Variants in AOAH observed in about 807,000 individuals in gnomAD.
The protein encoded by AOAH is acyloxyacyl hydrolase (neutrophil).
In AOAH, 64 loss-of-function variants were observed where a neutral mutation model predicts 92.2. The observed-to-expected ratio is 0.69, with a 90% CI of 0.57 to 0.86. The LOEUF is 0.86. Among genes scored for constraint, AOAH ranks in the 40% least tolerant of loss-of-function variants. The pLI, the probability that AOAH is intolerant of heterozygous loss-of-function variation, is 0.00. For missense variants in AOAH, 656 were observed against 694.6 expected, an observed-to-expected ratio of 0.94 and a Z score of 0.62; for synonymous variants, 263 against 254.5, an observed-to-expected ratio of 1.03 and a Z score of -0.32.
chr7:36,697,809 T>A (rs1400517058), intron 1 of AOAH, among the ~76,000 whole-genome samples: 6 of 152,174 alleles, frequency 3.9e-5, no homozygotes, highest in African/African-American at 1.2e-4. Context: ...TGACCAGTGT[T>A]CTTCTAAGAA....
At chr7:36,546,148 AT>A (rs1456973028) in intron 15 of AOAH, among the ~76,000 whole-genome samples, 2 of 152,240 alleles carry the variant, frequency 1.3e-5, no homozygotes, top group African/African-American at 4.8e-5. Context: ...TTTAACCAGT[AT>A]TTGTTGAGTA....
intron 4 of AOAH, among the ~76,000 whole-genome samples, chr7:36,658,476 A>C (rs1229879271): frequency 6.6e-6 from 1 of 152,088 alleles, no homozygotes; most frequent in Non-Finnish European, 1.5e-5. Flanking sequence ...GTGCGGAGGG[A>C]ATTGTGTCAA....
intron 1 of AOAH, among the ~76,000 whole-genome samples, chr7:36,689,497 C>T (rs7802360): frequency 0.2 from 30,882 of 152,016 alleles, 3,275 homozygotes; most frequent in East Asian, 0.27. Context: ...GCTGAAGGGG[C>T]AGAAGTGCTG....
At chr7:36,584,988 A>G (rs549262541) in intron 12 of AOAH, among the ~76,000 whole-genome samples, 2 of 152,284 alleles carry the variant, frequency 1.3e-5, no homozygotes, top group African/African-American at 4.8e-5. Flanking sequence ...TCCCATACTC[A>G]GGATGCTCAG....
chr7:36,547,585 C>T (rs921256192), intron 15 of AOAH, among the ~76,000 whole-genome samples: 4 of 152,142 alleles, frequency 2.6e-5, no homozygotes, highest in African/African-American at 2.4e-5. Context: ...TCGTGAACCT[C>T]GTTTGGCCTT....
At position 36,717,190 on chromosome 7, in the gene AOAH, C is replaced by T. The variant is rs999879733; in HGVS notation, c.127+6832G>A. On this transcript the variant is annotated intron_variant, in intron 1 of 20. Coordinates refer to ENST00000617537, the MANE Select transcript of AOAH (RefSeq NM_001637.4). ...AGGTCTTCTGGTTAGTTCCCCACTG[C>T]GGGGTTACGCTTTGGGATTGGAGCT... 4.6e-5 allele frequency among the ~76,000 whole-genome samples: 7 copies of T among 152,118 alleles called. No homozygotes were observed. In the South Asian group the frequency reaches 1.2e-3, roughly 27 times the overall value.
intron 15 of AOAH, among the ~76,000 whole-genome samples, chr7:36,541,141 C>T (rs570701389): frequency 1.6e-4 from 24 of 152,326 alleles, no homozygotes; most frequent in African/African-American, 5.3e-4. Flanking sequence ...TGCTCTTTAT[C>T]CTTCCATTTC....
intron 1 of AOAH, among the ~76,000 whole-genome samples, chr7:36,695,479 C>T (rs1797657624): frequency 6.6e-6 from 1 of 152,168 alleles, no homozygotes; most frequent in Non-Finnish European, 1.5e-5. Flanking sequence ...TTAATCTTCA[C>T]AATGTTCTCA....
At chr7:36,590,122 TA>T (rs953360147) in intron 12 of AOAH, among the ~76,000 whole-genome samples, 117 of 151,442 alleles carry the variant, frequency 7.7e-4, no homozygotes, top group African/African-American at 2.4e-3. Flanking sequence ...CCAGGCTAAT[TA>T]AAAAAAAATA....
intron 3 of AOAH, among the ~76,000 whole-genome samples, chr7:36,667,281 G>GGAT (rs909500971): frequency 1.8e-4 from 27 of 152,092 alleles, no homozygotes; most frequent in African/African-American, 6.5e-4. Flanking sequence ...ATCTCACCTG[G>GGAT]GATGTGAATT....
chr7:36,620,834 G>GA lies in AOAH; in HGVS notation c.654-6dup. ...TGGACATCCCAGTTGTTCGGCCTAAGAAAAAAACATTAACATTGGTCTTTG... is the reference window on the plus strand; with the variant it reads ...TGGACATCCCAGTTGTTCGGCCTAAGAAAAAAAACATTAACATTGGTCTTTG... On this transcript the variant is annotated splice_polypyrimidine_tract_variant and splice_region_variant and intron_variant, in intron 8 of 20. Transcript: ENST00000617537. The GA allele has an allele frequency of 6.2e-7, 1 of 1,613,018 alleles. No individual in the cohort carries two copies. The highest frequency in any genetic ancestry group is 8.5e-7 in the Non-Finnish European group (1 of 1,179,498).
chr7:36,603,008 C>G (rs927016988), intron 11 of AOAH, among the ~76,000 whole-genome samples: 1 of 152,216 alleles, frequency 6.6e-6, no homozygotes, highest in African/African-American at 2.4e-5. Context: ...CTGCAGCAAC[C>G]TCTGGCCAGG....
chr7:36,594,947 T>C (rs1790001454), intron 11 of AOAH, among the ~76,000 whole-genome samples: 2 of 152,148 alleles, frequency 1.3e-5, no homozygotes, highest in South Asian at 4.1e-4. Flanking sequence ...CCCACAAAAA[T>C]GCACGTGTAT....
intron 13 of AOAH, among the ~76,000 whole-genome samples, chr7:36,550,693 A>C (rs1786168580): frequency 6.6e-6 from 1 of 152,228 alleles, no homozygotes; most frequent in Non-Finnish European, 1.5e-5. Context: ...GCTAGAAATA[A>C]GCAAGTGATT....
intron 12 of AOAH, among the ~76,000 whole-genome samples, chr7:36,583,029 G>C (rs973544783): frequency 1.3e-4 from 20 of 152,152 alleles, no homozygotes; most frequent in African/African-American, 4.8e-4. Flanking sequence ...AATTTTAGTA[G>C]AGACAGGGTT....
rs149172251 is a variant in AOAH, at chr7:36,522,590, G to A, written c.1523-475C>T. Among the ~76,000 whole-genome samples, 1,000 of 152,212 alleles carry A rather than the reference G, an allele frequency of 6.6e-3. 10 individuals carry two copies. The highest frequency in any genetic ancestry group is 0.023 in the African/African-American group (946 of 41,518). ...TATAATTACATAAAATTATCTCATC[G>A]CCACATTTGGAGGGAGTATGGCTGC... On this transcript the variant is annotated intron_variant, in intron 19 of 20. Transcript: ENST00000617537.
intron 1 of AOAH, among the ~76,000 whole-genome samples, chr7:36,717,561 G>A (rs1203961028): frequency 2.0e-5 from 3 of 151,904 alleles, no homozygotes; most frequent in Non-Finnish European, 2.9e-5. Flanking sequence ...GGTCTGTAGG[G>A]ATAGAGATGG....
intron 1 of AOAH, among the ~76,000 whole-genome samples, chr7:36,687,346 A>G (rs1015764626): frequency 4.6e-5 from 7 of 152,196 alleles, no homozygotes; most frequent in African/African-American, 1.4e-4. Flanking sequence ...CCTCACAGCT[A>G]TAAAGCATAC....
intron 13 of AOAH, among the ~76,000 whole-genome samples, chr7:36,561,942 A>C (rs1787300341): frequency 6.6e-6 from 1 of 152,128 alleles, no homozygotes; most frequent in African/African-American, 2.4e-5. Context: ...TGGCTGTGAA[A>C]AATTTTTGAA....
Sources: gnomAD v4.1 joint callset for allele counts (sites outside exome capture counted in the v4.1 genomes callset) on GRCh38, gnomAD v4.1.1 for gene constraint, MANE v1.5 for transcripts, NCBI Gene and HGNC (gene_info 2026-07-23, HGNC 2026-07-21) for gene names.